The following TBCCD1 variants were observed in gnomAD, a reference collection of about 807,000 sequenced individuals.
The protein encoded by TBCCD1 is TBCC domain-containing protein 1.
TBCCD1 carries 26 observed loss-of-function variants against 53.4 expected under a neutral mutation model. That is an observed-to-expected ratio of 0.49 (90% CI 0.36 to 0.68). The LOEUF is 0.68. Ranked by LOEUF, TBCCD1 falls within the 30% of genes least tolerant of loss-of-function variation. The pLI, the probability that TBCCD1 is intolerant of heterozygous loss-of-function variation, is 0.00. For synonymous variants in TBCCD1, 245 were observed against 241.7 expected (o/e 1.01, Z -0.13); for missense variants, 558 against 669.5 (o/e 0.83, Z 1.84).
chr3:186,562,758 GT>G (rs1578974393), intron 2 of TBCCD1, among the ~76,000 whole-genome samples: 1 of 152,120 alleles, frequency 6.6e-6, no homozygotes, highest in Non-Finnish European at 1.5e-5. Flanking sequence ...TGATGGGTAT[GT>G]CTATGTCCTT....
intron 2 of TBCCD1, among the ~76,000 whole-genome samples, chr3:186,559,769 T>G (rs750231436): frequency 1.3e-5 from 2 of 152,224 alleles, no homozygotes; most frequent in Non-Finnish European, 2.9e-5. Flanking sequence ...GTTGTGAGAA[T>G]TCACACAGAA....
At chr3:186,561,303 T>A (rs773898023) in intron 2 of TBCCD1, among the ~76,000 whole-genome samples, 1 of 152,100 alleles carries the variant, frequency 6.6e-6, no homozygotes, top group African/African-American at 2.4e-5. Context: ...ATTTCTCCAA[T>A]GAAGACATAC....
intron 2 of TBCCD1, among the ~76,000 whole-genome samples, chr3:186,563,789 C>A (rs886500386): frequency 6.6e-6 from 1 of 152,184 alleles, no homozygotes; most frequent in Non-Finnish European, 1.5e-5. Context: ...TTGGGCCAGA[C>A]ATGGTGGCTC....
At chr3:186,561,457 T>C (rs1440987290) in intron 2 of TBCCD1, among the ~76,000 whole-genome samples, 1 of 152,166 alleles carries the variant, frequency 6.6e-6, no homozygotes, top group East Asian at 1.9e-4. Flanking sequence ...AAGGGAACCC[T>C]GGTACACTGT....
chr3:186,551,053 A>G lies in TBCCD1; in HGVS notation c.*21+76T>C, dbSNP rs1210970220. On this transcript the variant is annotated intron_variant, in intron 7 of 7. Coordinates refer to ENST00000338733, the MANE Select transcript of TBCCD1 (RefSeq NM_018138.5). ...GAAAAAATTTGGGCATGTTTAGTAT[A>G]TAATATTCTGTGCCTTTTTTTTATG... The G allele has an allele frequency of 2.6e-6, 4 of 1,518,970 alleles. No individual in the cohort carries two copies. In the African/African-American group the frequency reaches 4.2e-5, roughly 16 times the overall value. The allele number at this position is 1,518,970 out of a possible 1,614,324, so 94.1% of individuals were successfully genotyped here.
intron 2 of TBCCD1, among the ~76,000 whole-genome samples, chr3:186,562,864 C>T (rs1471393274): frequency 6.6e-6 from 1 of 152,138 alleles, no homozygotes; most frequent in Non-Finnish European, 1.5e-5. Context: ...CATGAGTTTC[C>T]TCCATTCTGT....
chr3:186,559,363 T>G (rs1714632566), intron 2 of TBCCD1, among the ~76,000 whole-genome samples: 1 of 152,216 alleles, frequency 6.6e-6, no homozygotes. Flanking sequence ...ATGTGCATTT[T>G]TCAAGGGAGT....
chr3:186,561,075 A>G, intron 2 of TBCCD1, among the ~76,000 whole-genome samples: 1 of 152,222 alleles, frequency 6.6e-6, no homozygotes, highest in East Asian at 1.9e-4. Context: ...GATTGTTTGG[A>G]TATGACACCA....
intron 2 of TBCCD1, among the ~76,000 whole-genome samples, chr3:186,559,284 C>G (rs1714629786): frequency 6.6e-6 from 1 of 152,184 alleles, no homozygotes; most frequent in Non-Finnish European, 1.5e-5. Flanking sequence ...TAACTTAAGA[C>G]TCACAAACCT....
At chr3:186,549,144 C>T (rs895216072) in intron 7 of TBCCD1, among the ~76,000 whole-genome samples, 9 of 151,738 alleles carry the variant, frequency 5.9e-5, no homozygotes, top group African/African-American at 1.9e-4. Context: ...AAAAATTAGC[C>T]GGGTGCGGTG....
chr3:186,555,254 T>C (rs183893681), intron 4 of TBCCD1, among the ~76,000 whole-genome samples, 170 bp from the exon 5 acceptor site: 1 of 152,366 alleles, frequency 6.6e-6, no homozygotes, highest in African/African-American at 2.4e-5. Context: ...TACTATTCTC[T>C]ATTCCTTTCT....
chr3:186,561,645 CG>C (rs1167178819), intron 2 of TBCCD1, among the ~76,000 whole-genome samples: 1 of 152,108 alleles, frequency 6.6e-6, no homozygotes, highest in Admixed American at 6.5e-5. Context: ...CAAAACTAGC[CG>C]GGCATGGTGG....
chr3:186,549,241 C>A (rs1714300262), intron 7 of TBCCD1, among the ~76,000 whole-genome samples: 1 of 152,070 alleles, frequency 6.6e-6, no homozygotes, highest in Non-Finnish European at 1.5e-5. Context: ...TGAGCCGAGA[C>A]CGCACCACTG....
rs1160080147 is a variant in TBCCD1 at position 186,555,428 on chromosome 3, T to C, written c.860-344A>G. 3.9e-5 allele frequency among the ~76,000 whole-genome samples: 6 copies of C among 152,222 alleles called. No homozygotes were observed. The East Asian group carries it at 1.2e-3, about 29-fold the overall frequency. ...AGTGGCAAAGCTGTCCTAACTCAAA[T>C]ATCTTCTCCTCCAAGATGCTTTACT... On this transcript the variant is annotated intron_variant, in intron 4 of 7. Transcript: ENST00000338733.
At chr3:186,564,552 T>G (rs1714774645) in intron 1 of TBCCD1, among the ~76,000 whole-genome samples, 180 bp from the exon 2 acceptor site, 1 of 152,126 alleles carries the variant, frequency 6.6e-6, no homozygotes, top group Non-Finnish European at 1.5e-5. Context: ...CATTATAATC[T>G]GAGAAAAAAA....
intron 7 of TBCCD1, 70 bp downstream of exon 7, chr3:186,551,059 T>C: frequency 2.0e-6 from 3 of 1,536,846 alleles, no homozygotes; most frequent in Non-Finnish European, 2.6e-6. Context: ...GTATATAATA[T>C]TCTGTGCCTT....
chr3:186,555,419 T>C (rs922802513), intron 4 of TBCCD1, among the ~76,000 whole-genome samples: 2 of 152,226 alleles, frequency 1.3e-5, no homozygotes, highest in African/African-American at 4.8e-5. Context: ...AAAGCTGTCC[T>C]AACTCAAATA....
In TBCCD1 at chr3:186,554,402, A is replaced by T; in HGVS notation, c.1396T>A (p.Phe466Ile). 1 of 1,614,234 alleles carries T rather than the reference A, an allele frequency of 6.2e-7. No individual in the cohort carries two copies. Among genetic ancestry groups the T allele is most frequent in the Non-Finnish European group, 8.5e-7 (1 of 1,180,042 alleles). ...TCAAAGGGAATAATAAATACATAGA[A>T]TTCACAAGGTGGTAAAAGCTGGAAG... ...RVFQLLPPCE[F>I]YVFIIPFEME... Residue 466 changes from phenylalanine (F) to isoleucine (I), a missense_variant, in exon 6 of 8, where the codon TTC becomes ATC. Coordinates refer to ENST00000338733, the MANE Select transcript of TBCCD1 (RefSeq NM_018138.5).
chr3:186,549,800 T>C (rs1227682044), intron 7 of TBCCD1, among the ~76,000 whole-genome samples: 1 of 152,254 alleles, frequency 6.6e-6, no homozygotes, highest in Admixed American at 6.5e-5. Context: ...CTACCAGCTT[T>C]TGCTCTTTGC....
Sources: gnomAD v4.1 joint callset for allele counts (sites outside exome capture counted in the v4.1 genomes callset) on GRCh38, gnomAD v4.1.1 for gene constraint, MANE v1.5 for transcripts, NCBI Gene and HGNC (gene_info 2026-07-23, HGNC 2026-07-21) for gene names.